The following OR2L2 variants were observed in gnomAD, a reference collection of about 807,000 sequenced individuals.
The protein encoded by OR2L2 is olfactory receptor family 2 subfamily L member 2.
For synonymous variants in OR2L2, 156 were observed against 135.4 expected, an observed-to-expected ratio of 1.15 and a Z score of -1.06; for missense variants, 378 against 375.2, an observed-to-expected ratio of 1.01 and a Z score of -0.06.
intron 2 of OR2L2, 67 bp from the exon 3 acceptor site, chr1:248,038,180 T>C: frequency 1.1e-6 from 1 of 940,048 alleles, no homozygotes; most frequent in African/African-American, 1.6e-5. Flanking sequence ...ACTGGGAGTC[T>C]TGTAATGCAG....
In OR2L2 at chr1:248,038,490, A is replaced by C. The variant is rs765082708; in HGVS notation, c.223A>C (p.Thr75Pro). 6.2e-6 allele frequency: 10 copies of C among 1,613,604 alleles called. 1 individual carries two copies. In the Admixed American group the frequency reaches 1.5e-4, roughly 24 times the overall value. ...LSLIDLNYIS[T>P]IVPKMVYDFL... Reference sequence around the variant, plus strand: ...CCTCATTGACCTAAATTACATCTCCACCATTGTTCCAAAGATGGTTTATGA... The same window carrying C: ...CCTCATTGACCTAAATTACATCTCCCCCATTGTTCCAAAGATGGTTTATGA... The change falls in exon 3 of 3, where the codon ACC (threonine) becomes CCC (proline). Residue 75 changes from threonine to proline, a missense_variant. By Grantham distance (38) the Thr-to-Pro change is conservative (BLOSUM62 -1). Transcript: ENST00000641771.
chr1:248,035,198 C>T (rs1371204273), intron 1 of OR2L2, among the ~76,000 whole-genome samples: 1 of 152,004 alleles, frequency 6.6e-6, no homozygotes, highest in Admixed American at 6.6e-5. Context: ...TGCCTGTAAT[C>T]CCAGTACTTT....
chr1:248,034,583 T>C (rs367995390), intron 1 of OR2L2, among the ~76,000 whole-genome samples: 10 of 152,346 alleles, frequency 6.6e-5, no homozygotes, highest in African/African-American at 2.4e-4. Flanking sequence ...ATCTTAACAG[T>C]GTTAAGCCTT....
In OR2L2 at chr1:248,041,885, A is replaced by ATAGG. The variant is rs1662960321; in HGVS notation, c.*2679_*2680insTAGG. 1 of 151,496 alleles carries ATAGG rather than the reference A, an allele frequency of 6.6e-6. No individual in the cohort carries two copies. The highest frequency in any genetic ancestry group is 1.5e-5 in the Non-Finnish European group (1 of 67,568). The allele number at this position is 151,496 out of a possible 1,614,324, so 9.4% of individuals were successfully genotyped here. On this transcript the variant is annotated 3_prime_UTR_variant, in exon 3 of 3. Transcript: ENST00000641771. ...ACAGGTGCTGGAGAGGATGTGGAGA[A>ATAGG]AACACTTTTACACTGTTGTTGGGAC...
At chr1:248,035,294 C>T (rs1156309267) in intron 1 of OR2L2, among the ~76,000 whole-genome samples, 2 of 151,964 alleles carry the variant, frequency 1.3e-5, no homozygotes, top group Non-Finnish European at 2.9e-5. Context: ...ACTAAAAATA[C>T]AAAAATTTAG....
chr1:248,031,171 T>A (rs1662610244), intron 1 of OR2L2, among the ~76,000 whole-genome samples: 1 of 152,206 alleles, frequency 6.6e-6, no homozygotes, highest in African/African-American at 2.4e-5. Flanking sequence ...GTATAATAAA[T>A]ATCCTCTTTG....
At chr1:248,036,064 A>C (rs1662751538) in intron 2 of OR2L2, among the ~76,000 whole-genome samples, 2 of 152,280 alleles carry the variant, frequency 1.3e-5, no homozygotes, top group East Asian at 3.9e-4. Flanking sequence ...AATATTTCTC[A>C]CTTACTTTGT....
rs888012717 is a variant in OR2L2 at position 248,039,862 on chromosome 1, C to A, written c.*656C>A. 1 of 152,108 alleles carries A rather than the reference C, an allele frequency of 6.6e-6. No homozygotes were observed. The highest frequency in any genetic ancestry group is 2.4e-5 in the African/African-American group (1 of 41,408). 9.4% of individuals were successfully genotyped at this position (152,108 alleles called of 1,614,324 possible). Reference sequence around the variant, plus strand: ...TTCTTTTTCTTAAAGTAATGTTTTACTAATAAGTTTACCTGAGGATAAATA... The same window carrying A: ...TTCTTTTTCTTAAAGTAATGTTTTAATAATAAGTTTACCTGAGGATAAATA... On this transcript the variant is annotated 3_prime_UTR_variant, in exon 3 of 3. Transcript: ENST00000641771.
At chr1:248,036,303 C>T (rs188590761) in intron 2 of OR2L2, among the ~76,000 whole-genome samples, 144 of 152,060 alleles carry the variant, frequency 9.5e-4, no homozygotes, top group African/African-American at 3.0e-3. Flanking sequence ...TCATTTAATG[C>T]GGTATCAATT....
In OR2L2 at chr1:248,038,640, A is replaced by G. The variant is rs139931120; in HGVS notation, c.373A>G (p.Ile125Val). 1.7e-4 allele frequency: 267 copies of G among 1,614,126 alleles called. No homozygotes were observed. In the African/African-American group the frequency reaches 3.0e-3, roughly 18 times the overall value. ...TSMAYDRYVA[I>V]CFPLHYPIRI... ...AATGGCCTATGATCGTTATGTGGCCATTTGCTTTCCTCTCCACTATCCCAT... is the reference window on the plus strand; with the variant it reads ...AATGGCCTATGATCGTTATGTGGCCGTTTGCTTTCCTCTCCACTATCCCAT... The change falls in exon 3 of 3, where the codon ATT becomes GTT. Residue 125 changes from isoleucine (I) to valine (V), a missense_variant. Transcript: ENST00000641771.
rs1367909742 is a variant in OR2L2, at chr1:248,040,674, CAT to C, written c.*1472_*1473del. ...TACTGTAAGAGTAGAGTATATAAGA[CAT>C]ATAAGATACAAAGTTGTGTTAATTG... On this transcript the variant is annotated 3_prime_UTR_variant, in exon 3 of 3. Transcript: ENST00000641771. The C allele has an allele frequency of 6.6e-6, 1 of 152,142 alleles. No homozygotes were observed. The highest frequency in any genetic ancestry group is 1.5e-5 in the Non-Finnish European group (1 of 68,038). The allele number at this position is 152,142 out of a possible 1,614,324, so 9.4% of individuals were successfully genotyped here. A position where few individuals can be genotyped will look rare whatever the true frequency, so the allele number is the denominator to read the frequency against.
intron 1 of OR2L2, among the ~76,000 whole-genome samples, chr1:248,034,526 T>A (rs1662703081): frequency 6.6e-6 from 1 of 152,208 alleles, no homozygotes. Flanking sequence ...TCATTAGAAT[T>A]TTCATAGATT....
At position 248,039,481 on chromosome 1, in the gene OR2L2, C is replaced by T. The variant is rs116034181; in HGVS notation, c.*275C>T. 494 of 241,116 alleles carry T rather than the reference C, an allele frequency of 2.0e-3. 6 individuals are homozygous for T. The highest frequency in any genetic ancestry group is 0.01 in the African/African-American group (450 of 43,720). 14.9% of individuals were successfully genotyped at this position (241,116 alleles called of 1,614,324 possible). A position where few individuals can be genotyped will look rare whatever the true frequency, so the allele number is the denominator to read the frequency against. On this transcript the variant is annotated 3_prime_UTR_variant, in exon 3 of 3. Transcript: ENST00000641771. ...TGTTGCCCAGGCTCTAATGCAATGG[C>T]GCAATCTCAGCTCCCCATAACCTCT...
intron 1 of OR2L2, among the ~76,000 whole-genome samples, chr1:248,034,414 T>C (rs1290784162): frequency 2.0e-5 from 3 of 150,870 alleles, no homozygotes; most frequent in Non-Finnish European, 4.4e-5. Flanking sequence ...GTTTTTCAAT[T>C]TTGTCCTTAA....
Position 248,040,652 on chromosome 1 carries a change from T to C in OR2L2, c.*1446T>C, listed in dbSNP as rs1391936947. On this transcript the variant is annotated 3_prime_UTR_variant, in exon 3 of 3. Transcript: ENST00000641771. Reference sequence around the variant, plus strand: ...GATATTCTTTTTTAGCTCACTTTACTGTAAGAGTAGAGTATATAAGACATA... The same window carrying C: ...GATATTCTTTTTTAGCTCACTTTACCGTAAGAGTAGAGTATATAAGACATA... The C allele has an allele frequency of 6.6e-6, 1 of 152,210 alleles. No homozygotes were observed. The highest frequency in any genetic ancestry group is 2.4e-5 in the African/African-American group (1 of 41,452). The allele number at this position is 152,210 out of a possible 1,614,324, so 9.4% of individuals were successfully genotyped here.
At position 248,041,206 on chromosome 1, in the gene OR2L2, A is replaced by G. The variant is rs977344793; in HGVS notation, c.*2000A>G. 1 of 152,200 alleles carries G rather than the reference A, an allele frequency of 6.6e-6. No individual in the cohort carries two copies. Among genetic ancestry groups the G allele is most frequent in the Non-Finnish European group, 1.5e-5 (1 of 68,028 alleles). The allele number at this position is 152,200 out of a possible 1,614,324, so 9.4% of individuals were successfully genotyped here. On this transcript the variant is annotated 3_prime_UTR_variant, in exon 3 of 3. Transcript: ENST00000641771. The stretch of plus-strand genomic sequence containing the variant: ...ACAGAGCCCTCAGAAATAACGCCGC[A>G]TATCTACAACTATCTGATCTTTGAC...
intron 2 of OR2L2, among the ~76,000 whole-genome samples, chr1:248,036,874 C>G (rs1211030281): frequency 1.3e-5 from 2 of 151,946 alleles, no homozygotes; most frequent in African/African-American, 4.8e-5. Flanking sequence ...TGGATCTTAA[C>G]AAAAAATTGA....
chr1:248,042,232 A>T lies in OR2L2; in HGVS notation c.*3026A>T, dbSNP rs1353159731. The T allele has an allele frequency of 6.6e-6, 1 of 151,966 alleles. No individual in the cohort carries two copies. Among genetic ancestry groups the T allele is most frequent in the African/African-American group, 2.4e-5 (1 of 41,370 alleles). The allele number at this position is 151,966 out of a possible 1,614,324, so 9.4% of individuals were successfully genotyped here. A position where few individuals can be genotyped will look rare whatever the true frequency, so the allele number is the denominator to read the frequency against. On this transcript the variant is annotated 3_prime_UTR_variant, in exon 3 of 3. Coordinates refer to ENST00000641771, the MANE Select transcript of OR2L2 (RefSeq NM_001385855.1). ...GACATGGATGAAATTGGAAATCATC[A>T]TTCTCACTAAACTATCACAAGAACA... is the stretch of plus-strand genomic sequence containing the variant.
chr1:248,031,554 G>A (rs1401198148), intron 1 of OR2L2, among the ~76,000 whole-genome samples: 1 of 152,212 alleles, frequency 6.6e-6, no homozygotes, highest in East Asian at 1.9e-4. Context: ...ATGGGGTCCA[G>A]TGACTTGCTT....
Sources: gnomAD v4.1 joint callset for allele counts (sites outside exome capture counted in the v4.1 genomes callset) on GRCh38, gnomAD v4.1.1 for gene constraint, MANE v1.5 for transcripts, NCBI Gene and HGNC (gene_info 2026-07-23, HGNC 2026-07-21) for gene names.